DPYD: variants seen among roughly 807,000 people sequenced by gnomAD.
The protein encoded by DPYD is dihydropyrimidine dehydrogenase.
Under a neutral mutation model 116.2 loss-of-function variants are expected in DPYD, and 109 were observed. The ratio of observed to expected loss-of-function variants is 0.94; its 90% confidence interval spans 0.80 to 1.10. The LOEUF (loss-of-function observed/expected upper bound fraction) is 1.10. DPYD is among the 50% of genes least tolerant of loss of function. DPYD has a pLI of 0.00. For synonymous variants in DPYD, 440 were observed against 432.0 expected, an observed-to-expected ratio of 1.02 and a Z score of -0.23; for missense variants, 1,302 against 1,254.5, an observed-to-expected ratio of 1.04 and a Z score of -0.57.
chr1:97,887,408 T>G (rs1672551391), intron 1 of DPYD, among the ~76,000 whole-genome samples: 1 of 137,860 alleles, frequency 7.3e-6, no homozygotes, highest in Admixed American at 8.0e-5. Context: ...AGGTCAAGGA[T>G]GCAGTGAGCT....
At chr1:97,189,350 G>A (rs536960970) in intron 20 of DPYD, among the ~76,000 whole-genome samples, 1 of 152,166 alleles carries the variant, frequency 6.6e-6, no homozygotes, top group African/African-American at 2.4e-5. Context: ...ACAGCATGTG[G>A]AAATGCATGC....
intron 4 of DPYD, among the ~76,000 whole-genome samples, chr1:97,728,881 AAAG>A (rs1177318484): frequency 1.3e-5 from 2 of 152,056 alleles, no homozygotes; most frequent in African/African-American, 4.8e-5. Flanking sequence ...GATATTTGGC[AAAG>A]AAGAATGTAG....
chr1:97,403,087 C>T (rs1673458952), intron 14 of DPYD, among the ~76,000 whole-genome samples: 1 of 152,014 alleles, frequency 6.6e-6, no homozygotes, highest in African/African-American at 2.4e-5. Flanking sequence ...GTCTGGTTTG[C>T]TGTCAGTGCA....
chr1:97,392,423 T>C (rs991835128), intron 14 of DPYD, among the ~76,000 whole-genome samples: 2 of 151,836 alleles, frequency 1.3e-5, no homozygotes, highest in African/African-American at 4.8e-5. Context: ...GGTGGGATTA[T>C]AGCTTACCGT....
chr1:97,908,929 A>G lies in DPYD; in HGVS notation c.39+11955T>C, dbSNP rs903600109. Among the ~76,000 whole-genome samples, 7 of 152,126 alleles carry G rather than the reference A, an allele frequency of 4.6e-5. No homozygotes were observed. In the East Asian group the frequency reaches 7.8e-4, roughly 17 times the overall value. Reference sequence around the variant, plus strand: ...TTTATTGCCCAAGCAAAACTAATCCACTTAAACTTATCTCTTTACATCTTA... The same window carrying G: ...TTTATTGCCCAAGCAAAACTAATCCGCTTAAACTTATCTCTTTACATCTTA... On this transcript the variant is annotated intron_variant, in intron 1 of 22. Transcript: ENST00000370192.
At chr1:97,536,559 C>A (rs1226573377) in intron 12 of DPYD, among the ~76,000 whole-genome samples, 5 of 152,172 alleles carry the variant, frequency 3.3e-5, no homozygotes. Flanking sequence ...ATTAGTATGA[C>A]ATATCGATGA....
chr1:97,668,483 G>T (rs1659683570), intron 8 of DPYD, among the ~76,000 whole-genome samples: 1 of 151,950 alleles, frequency 6.6e-6, no homozygotes. Flanking sequence ...TATGCACAAA[G>T]TTCTTATTTT....
chr1:97,886,858 A>T (rs1480405412), intron 1 of DPYD, among the ~76,000 whole-genome samples: 1 of 151,984 alleles, frequency 6.6e-6, no homozygotes, highest in Non-Finnish European at 1.5e-5. Flanking sequence ...GAAACATAAG[A>T]TGAGTTCTCC....
At chr1:97,545,723 C>G (rs894302463) in intron 12 of DPYD, 4 of 1,258,992 alleles carry the variant, frequency 3.2e-6, no homozygotes, top group Middle Eastern at 1.9e-4. Flanking sequence ...GTAATGGCCC[C>G]GAACCGTGAA....
chr1:97,644,147 T>C (rs1658107156), intron 8 of DPYD, among the ~76,000 whole-genome samples: 1 of 152,034 alleles, frequency 6.6e-6, no homozygotes, highest in Non-Finnish European at 1.5e-5. Context: ...TTGAGCTCAC[T>C]GCAATGGTTT....
chr1:97,169,542 T>TATTTC (rs1432788151), intron 20 of DPYD, among the ~76,000 whole-genome samples: 4 of 151,016 alleles, frequency 2.6e-5, no homozygotes, highest in Non-Finnish European at 5.9e-5. Flanking sequence ...TATTTTATTT[T>TATTTC]ATTTTATTTT....
chr1:97,385,713 AC>A (rs1319818527), intron 14 of DPYD, among the ~76,000 whole-genome samples: 1 of 151,820 alleles, frequency 6.6e-6, no homozygotes, highest in East Asian at 1.9e-4. Flanking sequence ...GACAAGAAAA[AC>A]CTTTCTCGTG....
intron 3 of DPYD, among the ~76,000 whole-genome samples, chr1:97,825,338 A>T (rs183400174): frequency 6.6e-6 from 1 of 151,992 alleles, no homozygotes; most frequent in South Asian, 2.1e-4. Flanking sequence ...AAATAGTAAA[A>T]CCTAAATAAA....
intron 19 of DPYD, among the ~76,000 whole-genome samples, chr1:97,199,008 A>G (rs1659015204): frequency 1.3e-5 from 2 of 152,112 alleles, no homozygotes; most frequent in South Asian, 4.1e-4. Context: ...GTGCAGACGC[A>G]TTTAATAGAG....
At chr1:97,424,420 A>T (rs757783591) in intron 14 of DPYD, among the ~76,000 whole-genome samples, 1 of 151,744 alleles carries the variant, frequency 6.6e-6, no homozygotes, top group Non-Finnish European at 1.5e-5. Flanking sequence ...GGAAACATAG[A>T]CACACTGTTC....
At chr1:97,893,255 T>C (rs537324504) in intron 1 of DPYD, among the ~76,000 whole-genome samples, 4 of 151,258 alleles carry the variant, frequency 2.6e-5, no homozygotes, top group African/African-American at 4.8e-5. Flanking sequence ...AAAATAGAGA[T>C]GTATCTCAGA....
intron 16 of DPYD, among the ~76,000 whole-genome samples, chr1:97,358,325 G>A (rs1016230392): frequency 3.9e-5 from 6 of 152,180 alleles, no homozygotes; most frequent in South Asian, 2.1e-4. Context: ...GGAGCCCACC[G>A]CAGCTCAGCA....
rs74106277 is a variant in DPYD at position 97,858,217 on chromosome 1, T to C, written c.150+25047A>G. 3.5e-3 allele frequency among the ~76,000 whole-genome samples: 529 copies of C among 152,262 alleles called. 3 individuals are homozygous for C. The highest frequency in any genetic ancestry group is 0.012 in the African/African-American group (512 of 41,574). On this transcript the variant is annotated intron_variant, in intron 2 of 22. Transcript: ENST00000370192. ...CTTGATAGGACTGGAATCTGTAAGATAATATTTTATAACTTTAGATTATTA... is the reference window on the plus strand; with the variant it reads ...CTTGATAGGACTGGAATCTGTAAGACAATATTTTATAACTTTAGATTATTA...
intron 18 of DPYD, among the ~76,000 whole-genome samples, chr1:97,276,041 C>A (rs1664910201): frequency 6.6e-6 from 1 of 152,064 alleles, no homozygotes; most frequent in Non-Finnish European, 1.5e-5. Context: ...ATGTTTATGG[C>A]ATGAAGGTTC....
Sources: allele counts gnomAD v4.1 joint callset (sites outside exome capture counted in the v4.1 genomes callset), GRCh38; gene constraint gnomAD v4.1.1; transcripts MANE v1.5; gene names NCBI Gene and HGNC (gene_info 2026-07-23, HGNC 2026-07-21).